Variants in FSTL5 observed in about 807,000 individuals in gnomAD.
The protein encoded by FSTL5 is follistatin like 5, also known as follistatin-related protein 5.
Under a neutral mutation model 89.1 loss-of-function variants are expected in FSTL5, and 62 were observed. The ratio of observed to expected loss-of-function variants is 0.70; its 90% confidence interval spans 0.57 to 0.86. The LOEUF is 0.86. Among genes scored for constraint, FSTL5 ranks in the 40% least tolerant of loss-of-function variants. The pLI, the probability that FSTL5 is intolerant of heterozygous loss-of-function variation, is 0.00. For missense variants in FSTL5, 1,057 were observed against 1,001.6 expected (o/e 1.06, Z -0.75); for synonymous variants, 383 against 346.2 (o/e 1.11, Z -1.18).
chr4:161,945,234 A>AT (rs1387945690), intron 3 of FSTL5, among the ~76,000 whole-genome samples: 3 of 152,208 alleles, frequency 2.0e-5, no homozygotes, highest in African/African-American at 7.2e-5. Flanking sequence ...CAGGCTAATC[A>AT]TTTTTTTGTG....
At position 161,534,949 on chromosome 4, in the gene FSTL5, A is replaced by T. The variant is rs181484688; in HGVS notation, c.1312+3217T>A. On this transcript the variant is annotated intron_variant, in intron 10 of 15. Coordinates refer to ENST00000306100, the MANE Select transcript of FSTL5 (RefSeq NM_020116.5). ...TTACAACCATCTTATCTTTGACAAA[A>T]TAGACAAAAAAAGCAACAGGGAAAG... Among the ~76,000 whole-genome samples, 22 of 152,144 alleles carry T rather than the reference A, an allele frequency of 1.4e-4. No individual in the cohort carries two copies. The East Asian group carries it at 4.3e-3, about 29-fold the overall frequency.
chr4:161,969,375 T>C lies in FSTL5; in HGVS notation c.161-48723A>G, dbSNP rs988480934. 1.1e-4 allele frequency among the ~76,000 whole-genome samples: 17 copies of C among 152,252 alleles called. 1 individual carries two copies. Among genetic ancestry groups the C allele is most frequent in the Middle Eastern group, 6.8e-3 (2 of 294 alleles). On this transcript the variant is annotated intron_variant, in intron 3 of 15. Coordinates refer to ENST00000306100, the MANE Select transcript of FSTL5 (RefSeq NM_020116.5). ...TTCAACATTTTTGGGAAACAAAAAG[T>C]GCAAATTAAGACAATATAGGCGAGA...
chr4:161,887,377 A>G lies in FSTL5; in HGVS notation c.409+33027T>C, dbSNP rs1732839464. The stretch of plus-strand genomic sequence containing the variant: ...TATTGTTTCTGAATCTCTGTTTTGT[A>G]TTATCTCTATCTATCATCTATCTAT... On this transcript the variant is annotated intron_variant, in intron 4 of 15. Transcript: ENST00000306100. 2.1e-5 allele frequency among the ~76,000 whole-genome samples: 3 copies of G among 144,340 alleles called. No individual in the cohort carries two copies. The South Asian group carries it at 6.6e-4, about 32-fold the overall frequency. The allele number at this position is 144,340 out of a possible 152,430, so 94.7% of individuals were successfully genotyped here.
chr4:162,073,375 T>A (rs1443106918), intron 2 of FSTL5, among the ~76,000 whole-genome samples: 1 of 151,750 alleles, frequency 6.6e-6, no homozygotes, highest in African/African-American at 2.4e-5. Flanking sequence ...TGTCTTACAA[T>A]AAATTATCTG....
At chr4:161,829,527 T>C (rs956779291) in intron 4 of FSTL5, among the ~76,000 whole-genome samples, 1 of 152,040 alleles carries the variant, frequency 6.6e-6, no homozygotes, top group African/African-American at 2.4e-5. Context: ...TATAATCATT[T>C]CACTTCAAAA....
intron 7 of FSTL5, among the ~76,000 whole-genome samples, chr4:161,624,340 C>T (rs1006317462): frequency 6.6e-6 from 1 of 151,690 alleles, no homozygotes; most frequent in Non-Finnish European, 1.5e-5. Context: ...TTAATTTGTC[C>T]CTTTACGTAT....
intron 7 of FSTL5, among the ~76,000 whole-genome samples, chr4:161,633,914 A>C (rs1735593299): frequency 6.6e-6 from 1 of 152,202 alleles, no homozygotes; most frequent in African/African-American, 2.4e-5. Context: ...TGTTAAAGTA[A>C]GTTTGTTATG....
chr4:161,483,311 TGA>T (rs1264490942), intron 12 of FSTL5, among the ~76,000 whole-genome samples: 2 of 152,246 alleles, frequency 1.3e-5, no homozygotes, highest in Non-Finnish European at 2.9e-5. Flanking sequence ...TGAAAGGCTC[TGA>T]ATACAGGGAA....
chr4:161,848,662 A>G (rs957880593), intron 4 of FSTL5, among the ~76,000 whole-genome samples: 1 of 152,152 alleles, frequency 6.6e-6, no homozygotes, highest in Non-Finnish European at 1.5e-5. Flanking sequence ...CACTTTTATA[A>G]TGTGTTGGTT....
At chr4:161,939,731 C>T (rs1216423789) in intron 3 of FSTL5, among the ~76,000 whole-genome samples, 1 of 151,886 alleles carries the variant, frequency 6.6e-6, no homozygotes, top group Non-Finnish European at 1.5e-5. Context: ...ACTGAACAAG[C>T]ACTAACATGA....
chr4:161,391,889 C>T (rs1443490125), intron 15 of FSTL5, among the ~76,000 whole-genome samples: 1 of 152,128 alleles, frequency 6.6e-6, no homozygotes, highest in African/African-American at 2.4e-5. Flanking sequence ...TAAAATAAAC[C>T]ACAGGCTATT....
At chr4:161,528,151 G>A (rs1212290590) in intron 10 of FSTL5, among the ~76,000 whole-genome samples, 1 of 37,752 alleles carries the variant, frequency 2.6e-5, no homozygotes, top group African/African-American at 6.0e-5. Flanking sequence ...GTTGTGGGGT[G>A]GGGGGAGGGG....
intron 10 of FSTL5, among the ~76,000 whole-genome samples, chr4:161,516,518 CAT>C (rs1376375258): frequency 4.1e-5 from 6 of 145,972 alleles, no homozygotes; most frequent in Non-Finnish European, 7.5e-5. Flanking sequence ...TATATACACA[CAT>C]ATATAAAAAT....
chr4:161,548,633 T>C (rs577891162), intron 8 of FSTL5, among the ~76,000 whole-genome samples: 2 of 151,790 alleles, frequency 1.3e-5, no homozygotes, highest in Non-Finnish European at 2.9e-5. Flanking sequence ...GGACAGTCAA[T>C]TAGCCAGTTT....
intron 3 of FSTL5, among the ~76,000 whole-genome samples, chr4:161,933,025 G>A (rs1188019333): frequency 6.6e-6 from 1 of 152,078 alleles, no homozygotes; most frequent in East Asian, 1.9e-4. Context: ...GTTTGCGTAT[G>A]ATAATCTTCT....
At chr4:161,516,392 C>T (rs7376036) in intron 10 of FSTL5, among the ~76,000 whole-genome samples, 73,909 of 145,690 alleles carry the variant, frequency 0.51, 18,729 homozygotes, top group Middle Eastern at 0.62. Flanking sequence ...TGTGTGAATT[C>T]ATTATATGTA....
chr4:161,944,637 T>G (rs1734685949), intron 3 of FSTL5, among the ~76,000 whole-genome samples: 1 of 151,788 alleles, frequency 6.6e-6, no homozygotes, highest in Admixed American at 6.6e-5. Flanking sequence ...GCTATATATA[T>G]GTATATGTAT....
chr4:161,467,420 C>T (rs900933137), intron 13 of FSTL5, among the ~76,000 whole-genome samples: 1 of 152,010 alleles, frequency 6.6e-6, no homozygotes, highest in African/African-American at 2.4e-5. Flanking sequence ...AGAATTGATG[C>T]TTTACTTTTT....
intron 3 of FSTL5, among the ~76,000 whole-genome samples, chr4:161,933,349 T>C (rs183430296): frequency 5.3e-5 from 8 of 152,230 alleles, no homozygotes; most frequent in African/African-American, 1.9e-4. Context: ...CTGGCTCATG[T>C]TGAGGTTGTG....
Sources: allele counts gnomAD v4.1 joint callset (sites outside exome capture counted in the v4.1 genomes callset), GRCh38; gene constraint gnomAD v4.1.1; transcripts MANE v1.5; gene names NCBI Gene and HGNC (gene_info 2026-07-23, HGNC 2026-07-21).